GPC5: variants seen among roughly 807,000 people sequenced by gnomAD.
The protein encoded by GPC5 is glypican 5.
A neutral mutation model predicts 53.9 loss-of-function variants in GPC5; 47 were observed. The ratio of observed to expected loss-of-function variants is 0.87; its 90% CI spans 0.69 to 1.11. The LOEUF (loss-of-function observed/expected upper bound fraction) is 1.11. Among genes scored for constraint, GPC5 ranks in the 50% most tolerant of loss-of-function variants. GPC5 has a pLI of 0.00. For missense variants in GPC5, 748 were observed against 713.1 expected, an observed-to-expected ratio of 1.05 and a Z score of -0.56; for synonymous variants, 286 against 263.3, an observed-to-expected ratio of 1.09 and a Z score of -0.84.
At chr13:92,503,591 A>G (rs549090484) in intron 7 of GPC5, among the ~76,000 whole-genome samples, 1 of 151,820 alleles carries the variant, frequency 6.6e-6, no homozygotes, top group Non-Finnish European at 1.5e-5. Flanking sequence ...AACAACAAAG[A>G]AAATATATTA....
intron 7 of GPC5, among the ~76,000 whole-genome samples, chr13:92,643,620 C>T (rs1379844714): frequency 5.3e-4 from 75 of 141,264 alleles, no homozygotes; most frequent in Non-Finnish European, 1.1e-3. Flanking sequence ...AGTAAACTAT[C>T]GCAAGAACAA....
intron 7 of GPC5, among the ~76,000 whole-genome samples, chr13:92,335,597 C>T (rs2043316685): frequency 6.6e-6 from 1 of 152,162 alleles, no homozygotes; most frequent in South Asian, 2.1e-4. Flanking sequence ...TGTCAGGGTA[C>T]AGATTTTTTA....
At chr13:91,798,941 T>C (rs2038091006) in intron 5 of GPC5, among the ~76,000 whole-genome samples, 1 of 152,224 alleles carries the variant, frequency 6.6e-6, no homozygotes, top group African/African-American at 2.4e-5. Flanking sequence ...TCACTGTGAT[T>C]TTGTTTTGCA....
intron 7 of GPC5, among the ~76,000 whole-genome samples, chr13:92,664,708 A>G (rs1305493561): frequency 3.3e-5 from 5 of 152,198 alleles, no homozygotes; most frequent in Admixed American, 6.5e-5. Flanking sequence ...AGAGCAAAGA[A>G]TCATGCTAAT....
rs140167250 is a variant in GPC5 at position 92,667,525 on chromosome 13, G to A, written c.1562-198757G>A. 6.2e-3 allele frequency among the ~76,000 whole-genome samples: 940 copies of A among 152,178 alleles called. 9 individuals carry two copies. Among genetic ancestry groups the A allele is most frequent in the African/African-American group, 0.021 (877 of 41,532 alleles). On this transcript the variant is annotated intron_variant, in intron 7 of 7. Coordinates refer to ENST00000377067, the MANE Select transcript of GPC5 (RefSeq NM_004466.6). ...GAGATTTTTTCCCCTTTCTATTCATGGGTTATGAAATTGAGGTTTTCTGTG... is the reference window on the plus strand; with the variant it reads ...GAGATTTTTTCCCCTTTCTATTCATAGGTTATGAAATTGAGGTTTTCTGTG...
intron 5 of GPC5, among the ~76,000 whole-genome samples, chr13:91,814,434 T>A (rs1308384564): frequency 1.3e-5 from 2 of 152,190 alleles, no homozygotes; most frequent in African/African-American, 4.8e-5. Context: ...CCTGACATCA[T>A]AATATTCGGT....
intron 7 of GPC5, among the ~76,000 whole-genome samples, chr13:92,681,370 C>A (rs1476770373): frequency 6.6e-6 from 1 of 151,590 alleles, no homozygotes; most frequent in Non-Finnish European, 1.5e-5. Context: ...AGTGCCCCAA[C>A]CCAATCTCTC....
chr13:92,440,263 A>G lies in GPC5; in HGVS notation c.1561+295274A>G, dbSNP rs146114613. 2.8e-3 allele frequency among the ~76,000 whole-genome samples: 426 copies of G among 152,164 alleles called. 2 individuals are homozygous for G. Among genetic ancestry groups the G allele is most frequent in the African/African-American group, 9.5e-3 (396 of 41,524 alleles). Reference sequence around the variant, plus strand: ...ACACTTTACCCCTCCCTCTCTCTCCATTGTAGTAGTCTCCAGTGTCTATGC... The same window carrying G: ...ACACTTTACCCCTCCCTCTCTCTCCGTTGTAGTAGTCTCCAGTGTCTATGC... On this transcript the variant is annotated intron_variant, in intron 7 of 7. Transcript: ENST00000377067.
At chr13:91,837,948 T>C (rs541674774) in intron 5 of GPC5, among the ~76,000 whole-genome samples, 62 of 152,168 alleles carry the variant, frequency 4.1e-4, no homozygotes, top group African/African-American at 1.4e-3. Flanking sequence ...AAGCTGAAGA[T>C]GAGGCCTTTG....
chr13:92,038,299 T>C lies in GPC5; in HGVS notation c.1402-106531T>C, dbSNP rs557936732. On this transcript the variant is annotated intron_variant, in intron 6 of 7. Coordinates refer to ENST00000377067, the MANE Select transcript of GPC5 (RefSeq NM_004466.6). Reference sequence around the variant, plus strand: ...CATTTGTACATTGAGGGAGAAATATTCATTAGGCACTTGGTGTATAAGATT... The same window carrying C: ...CATTTGTACATTGAGGGAGAAATATCCATTAGGCACTTGGTGTATAAGATT... Among the ~76,000 whole-genome samples, 76 of 151,682 alleles carry C rather than the reference T, an allele frequency of 5.0e-4. No homozygotes were observed. In the South Asian group the frequency reaches 7.5e-3, roughly 15 times the overall value.
intron 7 of GPC5, among the ~76,000 whole-genome samples, chr13:92,315,752 T>A (rs1187747532): frequency 6.6e-6 from 1 of 152,218 alleles, no homozygotes; most frequent in Non-Finnish European, 1.5e-5. Flanking sequence ...TTAGTAAATG[T>A]ATAAGGACTC....
chr13:92,317,135 C>G (rs529636974), intron 7 of GPC5, among the ~76,000 whole-genome samples: 51 of 152,144 alleles, frequency 3.4e-4, no homozygotes, highest in African/African-American at 1.2e-3. Context: ...ATTAATGTGC[C>G]TTTGTCCAGA....
chr13:91,589,818 A>G (rs2032730851), intron 2 of GPC5, among the ~76,000 whole-genome samples: 1 of 152,090 alleles, frequency 6.6e-6, no homozygotes, highest in Non-Finnish European at 1.5e-5. Context: ...GCGTGATTAG[A>G]CTCAAAGATG....
chr13:91,769,601 A>T lies in GPC5; in HGVS notation c.1280+13181A>T, dbSNP rs559044490. On this transcript the variant is annotated intron_variant, in intron 5 of 7. Coordinates refer to ENST00000377067, the MANE Select transcript of GPC5 (RefSeq NM_004466.6). The stretch of plus-strand genomic sequence containing the variant: ...CATGCTTCATGTGTCTAAGGAACAG[A>T]AGGGAAATCAGCGTGTGTGGCTCAG... Among the ~76,000 whole-genome samples, 14 of 152,306 alleles carry T rather than the reference A, an allele frequency of 9.2e-5. No individual in the cohort carries two copies. In the South Asian group the frequency reaches 2.5e-3, roughly 27 times the overall value.
chr13:92,400,330 C>T (rs1409571293), intron 7 of GPC5, among the ~76,000 whole-genome samples: 1 of 152,134 alleles, frequency 6.6e-6, no homozygotes, highest in African/African-American at 2.4e-5. Flanking sequence ...AAAACAGTAG[C>T]AACACTACAG....
At chr13:91,710,237 G>T (rs2036196697) in intron 3 of GPC5, among the ~76,000 whole-genome samples, 1 of 152,140 alleles carries the variant, frequency 6.6e-6, no homozygotes, top group African/African-American at 2.4e-5. Flanking sequence ...GAAACTTCTT[G>T]ATTTAATGCA....
intron 7 of GPC5, among the ~76,000 whole-genome samples, chr13:92,745,676 T>C (rs890890292): frequency 8.5e-5 from 13 of 152,240 alleles, no homozygotes; most frequent in South Asian, 6.2e-4. Flanking sequence ...GAATATAAGG[T>C]TCTTAGCTCT....
At chr13:92,717,893 G>A (rs1273772545) in intron 7 of GPC5, among the ~76,000 whole-genome samples, 3 of 151,916 alleles carry the variant, frequency 2.0e-5, no homozygotes, top group African/African-American at 2.4e-5. Flanking sequence ...GAAAATATAA[G>A]GAACTCAACT....
At chr13:92,174,820 A>G (rs567693255) in intron 7 of GPC5, among the ~76,000 whole-genome samples, 2 of 152,334 alleles carry the variant, frequency 1.3e-5, no homozygotes, top group East Asian at 3.9e-4. Flanking sequence ...CCATTAAAAT[A>G]ACACACTGTG....
Sources: allele counts gnomAD v4.1 joint callset (sites outside exome capture counted in the v4.1 genomes callset), GRCh38; gene constraint gnomAD v4.1.1; transcripts MANE v1.5; gene names NCBI Gene and HGNC (gene_info 2026-07-23, HGNC 2026-07-21).